SOX5: variants seen among roughly 807,000 people sequenced by gnomAD.
SOX5 encodes transcription factor SOX-5.
Under a neutral mutation model 92.0 loss-of-function variants are expected in SOX5, and 9 were observed. The ratio of observed to expected loss-of-function variants is 0.10; its 90% CI spans 0.06 to 0.17. The LOEUF (loss-of-function observed/expected upper bound fraction) is 0.17. SOX5 is among the 10% of genes least tolerant of loss of function. SOX5 has a pLI of 1.00. For missense variants in SOX5, 642 were observed against 944.5 expected, an observed-to-expected ratio of 0.68 and a Z score of 4.20; for synonymous variants, 344 against 336.3, an observed-to-expected ratio of 1.02 and a Z score of -0.25.
At chr12:23,957,781 T>C (rs1390452034) in intron 4 of SOX5, among the ~76,000 whole-genome samples, 2 of 152,200 alleles carry the variant, frequency 1.3e-5, no homozygotes, top group Non-Finnish European at 2.9e-5. Flanking sequence ...ACCAAATGAA[T>C]GTAATCATTC....
At chr12:23,720,613 T>TAA (rs774540647) in intron 6 of SOX5, among the ~76,000 whole-genome samples, 2 of 151,268 alleles carry the variant, frequency 1.3e-5, no homozygotes, top group African/African-American at 2.4e-5. Context: ...AAATGATCTT[T>TAA]AAAAAAAAAT....
intron 5 of SOX5, among the ~76,000 whole-genome samples, chr12:23,738,961 A>G (rs960302117): frequency 6.6e-6 from 1 of 152,224 alleles, no homozygotes; most frequent in East Asian, 1.9e-4. Context: ...TAGGCATTTC[A>G]TTAAAAATAA....
chr12:24,084,798 T>C (rs376905355), intron 4 of SOX5, among the ~76,000 whole-genome samples: 54 of 152,244 alleles, frequency 3.5e-4, no homozygotes, highest in African/African-American at 1.3e-3. Context: ...TGTTCTGTTA[T>C]GCATAGCCCT....
At chr12:23,711,062 T>C (rs2092002373) in intron 6 of SOX5, among the ~76,000 whole-genome samples, 1 of 152,152 alleles carries the variant, frequency 6.6e-6, no homozygotes, top group Admixed American at 6.6e-5. Context: ...AAAAATGTAT[T>C]GTTCCATTTA....
chr12:23,991,321 T>TAAA (rs918055061), intron 4 of SOX5, among the ~76,000 whole-genome samples: 1 of 148,940 alleles, frequency 6.7e-6, no homozygotes, highest in African/African-American at 2.5e-5. Flanking sequence ...GTCTCTTTCT[T>TAAA]AAAAAAAAAA....
intron 7 of SOX5, among the ~76,000 whole-genome samples, chr12:23,657,830 G>A (rs1364943367): frequency 6.6e-6 from 1 of 152,152 alleles, no homozygotes; most frequent in Non-Finnish European, 1.5e-5. Flanking sequence ...TGTGAAGGAG[G>A]AGACTCATGT....
chr12:23,988,398 C>T (rs913729938), intron 4 of SOX5, among the ~76,000 whole-genome samples: 1 of 152,080 alleles, frequency 6.6e-6, no homozygotes, highest in African/African-American at 2.4e-5. Context: ...AGCCCATGGG[C>T]CCTGGCAATA....
At chr12:24,141,325 A>T (rs1159442215) in intron 4 of SOX5, among the ~76,000 whole-genome samples, 3 of 152,230 alleles carry the variant, frequency 2.0e-5, no homozygotes, top group African/African-American at 7.2e-5. Flanking sequence ...ATCTGTCAGT[A>T]AGAAGTTTTA....
At chr12:24,204,958 G>A (rs1565651896) in intron 4 of SOX5, among the ~76,000 whole-genome samples, 2 of 152,010 alleles carry the variant, frequency 1.3e-5, no homozygotes, top group Admixed American at 1.3e-4. Context: ...AAGAAGAACA[G>A]AAAAAACAAG....
chr12:24,228,372 T>A (rs775380128), intron 3 of SOX5, among the ~76,000 whole-genome samples: 2 of 152,246 alleles, frequency 1.3e-5, no homozygotes, highest in African/African-American at 2.4e-5. Flanking sequence ...TTCATGTTCA[T>A]GGGGATGATT....
chr12:24,492,375 C>A (rs1947181311), intron 1 of SOX5, among the ~76,000 whole-genome samples: 1 of 152,088 alleles, frequency 6.6e-6, no homozygotes, highest in Non-Finnish European at 1.5e-5. Context: ...TAACTATTTT[C>A]CCCCAAGAGG....
intron 2 of SOX5, among the ~76,000 whole-genome samples, chr12:24,336,972 G>A (rs1951986609): frequency 6.6e-6 from 1 of 152,162 alleles, no homozygotes; most frequent in Non-Finnish European, 1.5e-5. Context: ...ATTCTTTTGT[G>A]GAACCAAATT....
At chr12:23,952,952 A>G (rs542308365), upstream of SOX5, among the ~76,000 whole-genome samples, 1 of 152,278 alleles carries the variant, frequency 6.6e-6, no homozygotes, top group South Asian at 2.1e-4. Context: ...TCCAGAATTT[A>G]TAGTTAGATG....
At position 24,451,340 on chromosome 12, in the gene SOX5, T is replaced by C. The variant is rs896237896; in HGVS notation, c.-250-82701A>G. ...CAGTGGGATTACCCAGGTCATGTGG[T>C]AGCTCAATGTGTAGTTTTTTGAGAA... On this transcript the variant is annotated intron_variant, in intron 1 of 4. Coordinates refer to the SOX5 transcript ENST00000446891. 2.6e-5 allele frequency among the ~76,000 whole-genome samples: 4 copies of C among 152,190 alleles called. No homozygotes were observed. The South Asian group carries it at 6.2e-4, about 24-fold the overall frequency.
At chr12:24,447,158 C>A (rs1941604480) in intron 1 of SOX5, among the ~76,000 whole-genome samples, 1 of 152,166 alleles carries the variant, frequency 6.6e-6, no homozygotes, top group Non-Finnish European at 1.5e-5. Context: ...GGCTGCTCTT[C>A]CAACGAGAAC....
At chr12:24,261,513 C>T (rs1942082436) in intron 3 of SOX5, among the ~76,000 whole-genome samples, 1 of 152,170 alleles carries the variant, frequency 6.6e-6, no homozygotes, top group Non-Finnish European at 1.5e-5. Flanking sequence ...AGCCACACCA[C>T]ACCACACAGG....
chr12:23,565,537 A>G (rs1213430707), intron 10 of SOX5, among the ~76,000 whole-genome samples: 1 of 152,182 alleles, frequency 6.6e-6, no homozygotes, highest in Non-Finnish European at 1.5e-5. Flanking sequence ...TGAATTCTTT[A>G]TGCTTTTTAG....
intron 10 of SOX5, among the ~76,000 whole-genome samples, chr12:23,573,555 C>T (rs1168512316): frequency 6.6e-6 from 1 of 152,162 alleles, no homozygotes; most frequent in African/African-American, 2.4e-5. Flanking sequence ...TATTCTAAGA[C>T]ACTCAACTTA....
At chr12:23,759,680 A>T (rs1225751812) in intron 3 of SOX5, among the ~76,000 whole-genome samples, 1 of 152,132 alleles carries the variant, frequency 6.6e-6, no homozygotes. Flanking sequence ...TAAAGGACCA[A>T]ATGGCAGAAG....
Sources: gnomAD v4.1 joint callset for allele counts (sites outside exome capture counted in the v4.1 genomes callset) on GRCh38, gnomAD v4.1.1 for gene constraint, MANE v1.5 for transcripts, NCBI Gene and HGNC (gene_info 2026-07-23, HGNC 2026-07-21) for gene names.